Variants in ABCB1 observed in about 807,000 individuals in gnomAD.
ABCB1 encodes the protein ATP binding cassette subfamily B member 1.
A neutral mutation model predicts 142.0 loss-of-function variants in ABCB1; 69 were observed. The observed-to-expected ratio is 0.49, with a 90% CI of 0.40 to 0.59. The LOEUF (loss-of-function observed/expected upper bound fraction) is 0.59, where lower values mean the gene tolerates loss of function less well. ABCB1 is among the 20% of genes least tolerant of loss of function. The probability of loss-of-function intolerance (pLI) is 0.00; values close to 1 mark genes in which losing one functional copy is unlikely to be tolerated. For synonymous variants in ABCB1, 532 were observed against 539.2 expected, an observed-to-expected ratio of 0.99 and a Z score of 0.18; for missense variants, 1,326 against 1,554.7, an observed-to-expected ratio of 0.85 and a Z score of 2.47.
intron 1 of ABCB1, among the ~76,000 whole-genome samples, chr7:87,654,734 A>G (rs1385273604): frequency 6.6e-6 from 1 of 152,170 alleles, no homozygotes; most frequent in Non-Finnish European, 1.5e-5. Flanking sequence ...GTGGAATTAC[A>G]TCAAACTAAA....
At chr7:87,584,709 A>G (rs1266893745) in intron 4 of ABCB1, among the ~76,000 whole-genome samples, 1 of 152,176 alleles carries the variant, frequency 6.6e-6, no homozygotes, top group Non-Finnish European at 1.5e-5. Context: ...TAAAGTTATC[A>G]GGAGAAAAAT....
intron 23 of ABCB1, among the ~76,000 whole-genome samples, chr7:87,518,374 G>A (rs28401787): frequency 7.2e-4 from 110 of 152,136 alleles, no homozygotes; most frequent in African/African-American, 2.6e-3. Context: ...CAATTTTTTG[G>A]AGTAAAGCAA....
At chr7:87,648,002 G>A (rs1823190098) in intron 1 of ABCB1, among the ~76,000 whole-genome samples, 1 of 151,918 alleles carries the variant, frequency 6.6e-6, no homozygotes, top group African/African-American at 2.4e-5. Context: ...GGCTAACATG[G>A]TGAAACCCCG....
rs1263785313 is a variant in ABCB1, at chr7:87,503,923, A to G, written c.*320T>C. On this transcript the variant is annotated 3_prime_UTR_variant, in exon 28 of 28. Transcript: ENST00000622132. The stretch of plus-strand genomic sequence containing the variant: ...TGCAAACATTTCAATACTTTTTGCT[A>G]CTTCTATAATCTTTTAGCAAGGCAG... 5.4e-6 allele frequency: 2 copies of G among 367,472 alleles called. No individual in the cohort carries two copies. Among genetic ancestry groups the G allele is most frequent in the Non-Finnish European group, 1.0e-5 (2 of 197,930 alleles). 22.8% of individuals were successfully genotyped at this position (367,472 alleles called of 1,614,324 possible).
In ABCB1 at chr7:87,571,320, G is replaced by A. The variant is rs185843488; in HGVS notation, c.287-1097C>T. ...TGGAAAGATAATCTGGGTCCTGCAGGTATGGTGCAAGAAAACAGACCAGCA... is the reference window on the plus strand; with the variant it reads ...TGGAAAGATAATCTGGGTCCTGCAGATATGGTGCAAGAAAACAGACCAGCA... On this transcript the variant is annotated intron_variant, in intron 4 of 27. Transcript: ENST00000622132. Among the ~76,000 whole-genome samples the A allele has an allele frequency of 3.4e-3, 511 of 152,300 alleles. 2 individuals carry two copies. Among genetic ancestry groups the A allele is most frequent in the Admixed American group, 8.8e-3 (134 of 15,302 alleles).
At chr7:87,697,368 T>G (rs1175065704) in intron 1 of ABCB1, among the ~76,000 whole-genome samples, 1 of 152,214 alleles carries the variant, frequency 6.6e-6, no homozygotes, top group Non-Finnish European at 1.5e-5. Flanking sequence ...TGTGTAGTAC[T>G]TCATTTCTTG....
chr7:87,585,612 C>T lies in ABCB1; in HGVS notation c.186G>A (p.Gly62=), dbSNP rs1818714791. 3 of 1,613,966 alleles carry T rather than the reference C, an allele frequency of 1.9e-6. No individual in the cohort carries two copies. Among genetic ancestry groups the T allele is most frequent in the Non-Finnish European group, 2.5e-6 (3 of 1,179,908 alleles). ...CCAGCATCATGAGAGGAAGTCCAGC[C>T]CCATGGATGATGGCAGCCAAAGTTC... ...VVGTLAAIIH[G]AGLPLMMLVF... The change falls in exon 4 of 28, where the codon GGG becomes GGA. Residue 62 remains glycine, a synonymous_variant. Coordinates refer to ENST00000622132, the MANE Select transcript of ABCB1 (RefSeq NM_001348946.2).
intron 7 of ABCB1, chr7:87,565,407 A>T (rs916702170): frequency 5.5e-5 from 24 of 434,584 alleles, no homozygotes; most frequent in Non-Finnish European, 9.6e-5. Flanking sequence ...AATAAGTTTT[A>T]AAAGATCACT....
At position 87,509,531 on chromosome 7, in the gene ABCB1, G is replaced by A. The variant is rs61040122; in HGVS notation, c.3283-50C>T. On this transcript the variant is annotated intron_variant, in intron 25 of 27. Transcript: ENST00000622132. ...ACTTCAGGACCAGCACACTTTGAAT[G>A]TAGCACAATTAACATCATTATTTCT... is the stretch of plus-strand genomic sequence containing the variant. 2.5e-3 allele frequency: 3,935 copies of A among 1,559,276 alleles called. 8 individuals are homozygous for A. Among genetic ancestry groups the A allele is most frequent in the Non-Finnish European group, 3.2e-3 (3,606 of 1,132,894 alleles).
intron 1 of ABCB1, among the ~76,000 whole-genome samples, chr7:87,707,903 A>G (rs1829750620): frequency 6.6e-6 from 1 of 152,084 alleles, no homozygotes; most frequent in Non-Finnish European, 1.5e-5. Context: ...ATATGAGTGA[A>G]ACTGAGGAGA....
rs544626066 is a variant in ABCB1, at chr7:87,585,949, T to C, written c.118-269A>G. On this transcript the variant is annotated intron_variant, in intron 3 of 27. Transcript: ENST00000622132. ...GAAGTCTAATGAGAAGGATGGGACA[T>C]TCTGGGAAACTGTAAAAGTATTTAA... Among the ~76,000 whole-genome samples, 12 of 152,292 alleles carry C rather than the reference T, an allele frequency of 7.9e-5. No individual in the cohort carries two copies. In the South Asian group the frequency reaches 2.5e-3, roughly 32 times the overall value.
At chr7:87,563,350 G>A (rs953202294) in intron 7 of ABCB1, 2 of 455,038 alleles carry the variant, frequency 4.4e-6, no homozygotes, top group Admixed American at 2.4e-5. Context: ...ACCTGGCAGA[G>A]ATACAACAAC....
At chr7:87,593,691 T>C (rs181702040) in intron 3 of ABCB1, among the ~76,000 whole-genome samples, 13 of 152,344 alleles carry the variant, frequency 8.5e-5, no homozygotes, top group African/African-American at 2.9e-4. Context: ...GGTGCCTACA[T>C]GATCAGTTCC....
At chr7:87,568,428 C>A (rs1817886578) in intron 5 of ABCB1, among the ~76,000 whole-genome samples, 1 of 150,056 alleles carries the variant, frequency 6.7e-6, no homozygotes, top group South Asian at 2.1e-4. Context: ...AAAAAAAATG[C>A]AAACAATTCT....
intron 4 of ABCB1, 114 bp from the exon 5 acceptor site, chr7:87,570,337 G>T: frequency 9.6e-7 from 1 of 1,037,046 alleles, no homozygotes; most frequent in Non-Finnish European, 1.5e-6. Flanking sequence ...AAAATAGGTC[G>T]AACTGACTCA....
At chr7:87,652,307 C>T (rs1465163054) in intron 1 of ABCB1, among the ~76,000 whole-genome samples, 1 of 152,000 alleles carries the variant, frequency 6.6e-6, no homozygotes, top group Non-Finnish European at 1.5e-5. Flanking sequence ...TTGAGACTCC[C>T]ATGCCAAGTG....
chr7:87,511,621 T>G (rs1815013078), intron 25 of ABCB1, among the ~76,000 whole-genome samples: 1 of 152,196 alleles, frequency 6.6e-6, no homozygotes, highest in South Asian at 2.1e-4. Context: ...TAATTCCCAT[T>G]TTACTGATAA....
At chr7:87,540,129 T>C (rs1307914308) in intron 18 of ABCB1, among the ~76,000 whole-genome samples, 3 of 152,250 alleles carry the variant, frequency 2.0e-5, no homozygotes, top group African/African-American at 4.8e-5. Flanking sequence ...AATATTCTAT[T>C]TTTTAAAAAT....
intron 2 of ABCB1, among the ~76,000 whole-genome samples, chr7:87,598,018 A>G (rs1819277974): frequency 1.3e-5 from 2 of 152,126 alleles, no homozygotes; most frequent in African/African-American, 4.8e-5. Context: ...TGTCTTACAG[A>G]ATGTCCCACA....
Sources: gnomAD v4.1 joint callset for allele counts (sites outside exome capture counted in the v4.1 genomes callset) on GRCh38, gnomAD v4.1.1 for gene constraint, MANE v1.5 for transcripts, NCBI Gene and HGNC (gene_info 2026-07-23, HGNC 2026-07-21) for gene names.